The following CSMD3 variants were observed in gnomAD, a reference collection of about 807,000 sequenced individuals.
CSMD3 encodes CUB and sushi domain-containing protein 3.
CSMD3 carries 177 observed loss-of-function variants against 435.2 expected under a neutral mutation model. The ratio of observed to expected loss-of-function variants is 0.41; its 90% CI spans 0.36 to 0.46. The LOEUF (loss-of-function observed/expected upper bound fraction) is 0.46. CSMD3 is among the 20% of genes least tolerant of loss of function. CSMD3 has a pLI of 0.34. For missense variants in CSMD3, 4,265 were observed against 4,504.6 expected (o/e 0.95, Z 1.52); for synonymous variants, 1,656 against 1,520.5 (o/e 1.09, Z -2.07).
At chr8:113,206,029 TG>T (rs2092767277) in intron 3 of CSMD3, among the ~76,000 whole-genome samples, 3 of 152,118 alleles carry the variant, frequency 2.0e-5, no homozygotes, top group Admixed American at 2.0e-4. Flanking sequence ...TAAGCTCCTT[TG>T]TTTATATGTT....
chr8:112,455,629 A>C lies in CSMD3; in HGVS notation c.5395+16962T>G, dbSNP rs75760263. 8.5e-3 allele frequency among the ~76,000 whole-genome samples: 936 copies of C among 109,632 alleles called. 7 individuals carry two copies. The highest frequency in any genetic ancestry group is 0.014 in the East Asian group (54 of 3,808). The allele number at this position is 109,632 out of a possible 152,430, so 71.9% of individuals were successfully genotyped here. On this transcript the variant is annotated intron_variant, in intron 32 of 70. Coordinates refer to ENST00000297405, the MANE Select transcript of CSMD3 (RefSeq NM_198123.2). ...TAAATAAATAAATAAATAAATAAAT[A>C]AATCAAAGCATAATCAATGCCTAAG...
At chr8:113,053,999 T>C (rs1208115296) in intron 5 of CSMD3, among the ~76,000 whole-genome samples, 1 of 152,170 alleles carries the variant, frequency 6.6e-6, no homozygotes, top group Non-Finnish European at 1.5e-5. Flanking sequence ...TGGTCTGCCA[T>C]GCCTCTGATT....
chr8:112,311,172 C>T lies in CSMD3; in HGVS notation c.7697-6G>A. The T allele has an allele frequency of 1.9e-6, 3 of 1,595,928 alleles. No individual in the cohort carries two copies. Among genetic ancestry groups the T allele is most frequent in the Admixed American group, 3.5e-5 (2 of 57,094 alleles). On this transcript the variant is annotated splice_polypyrimidine_tract_variant and splice_region_variant and intron_variant, in intron 49 of 70. Coordinates refer to ENST00000297405, the MANE Select transcript of CSMD3 (RefSeq NM_198123.2). The stretch of plus-strand genomic sequence containing the variant: ...TGGTGTACTACAGTAGAAAGCTTTT[C>T]AAAAGAAAAAAAAAATGCTGTTTAA...
chr8:113,319,240 T>C (rs1308561979), intron 1 of CSMD3, among the ~76,000 whole-genome samples: 1 of 152,120 alleles, frequency 6.6e-6, no homozygotes, highest in African/African-American at 2.4e-5. Flanking sequence ...GTCTTTTTGA[T>C]AATAATCATA....
At chr8:113,156,119 T>C (rs972781079) in intron 4 of CSMD3, among the ~76,000 whole-genome samples, 1 of 152,084 alleles carries the variant, frequency 6.6e-6, no homozygotes, top group Non-Finnish European at 1.5e-5. Context: ...TGCCTAAATA[T>C]GGCTTAGAAT....
Position 112,255,280 on chromosome 8 carries a change from C to T in CSMD3, c.10010G>A (p.Trp3337Ter), listed in dbSNP as rs2130275020. ...TATGCAGTGAGGTGATGAACCACTC[C>T]AAGTGCCATCTGCTTGACATATTCT... Reference protein sequence around the residue: ...STRICQADGTWSGSSPHCIEP... With the variant: ...STRICQADGT The change falls in exon 62 of 71, where the codon TGG (tryptophan) becomes TAG (stop). Residue 3337 changes from tryptophan (W) to a stop codon, truncating the protein, a stop_gained. Coordinates refer to ENST00000297405, the MANE Select transcript of CSMD3 (RefSeq NM_198123.2). LOFTEE classifies it high-confidence loss of function. 6.2e-7 allele frequency: 1 copy of T among 1,613,538 alleles called. No individual in the cohort carries two copies. Among genetic ancestry groups the T allele is most frequent in the Non-Finnish European group, 8.5e-7 (1 of 1,179,682 alleles).
chr8:112,900,397 G>T lies in CSMD3; in HGVS notation c.1633+21230C>A, dbSNP rs187502305. 3.9e-3 allele frequency among the ~76,000 whole-genome samples: 584 copies of T among 151,350 alleles called. 1 individual carries two copies. The highest frequency in any genetic ancestry group is 6.7e-3 in the Non-Finnish European group (453 of 67,514). On this transcript the variant is annotated intron_variant, in intron 10 of 70. Coordinates refer to ENST00000297405, the MANE Select transcript of CSMD3 (RefSeq NM_198123.2). ...TCTAGAGTCTGGAGCAATAGGACAG[G>T]CATAATATAGTGCCTGCCCTTTATA... is the stretch of plus-strand genomic sequence containing the variant.
At chr8:113,050,845 T>C (rs112925928) in intron 5 of CSMD3, among the ~76,000 whole-genome samples, 17 of 152,160 alleles carry the variant, frequency 1.1e-4, no homozygotes, top group African/African-American at 4.1e-4. Flanking sequence ...CAAAATACTT[T>C]ATATATAGAT....
At chr8:113,272,703 G>A (rs1462316807) in intron 3 of CSMD3, among the ~76,000 whole-genome samples, 1 of 152,124 alleles carries the variant, frequency 6.6e-6, no homozygotes, top group Non-Finnish European at 1.5e-5. Flanking sequence ...GACTAATACA[G>A]AACCTATTCA....
chr8:112,420,476 A>G (rs905476325), intron 32 of CSMD3, among the ~76,000 whole-genome samples: 1 of 152,068 alleles, frequency 6.6e-6, no homozygotes, highest in Non-Finnish European at 1.5e-5. Flanking sequence ...GATTTTACCC[A>G]AAAATAGTCT....
intron 1 of CSMD3, among the ~76,000 whole-genome samples, chr8:113,393,441 C>T (rs1047316076): frequency 6.6e-6 from 1 of 151,998 alleles, no homozygotes; most frequent in African/African-American, 2.4e-5. Flanking sequence ...AAGCACTTAA[C>T]CTGAAAACAA....
intron 24 of CSMD3, among the ~76,000 whole-genome samples, chr8:112,564,472 G>C (rs1828912038): frequency 6.7e-6 from 1 of 150,356 alleles, no homozygotes; most frequent in South Asian, 2.1e-4. Context: ...CTTATGTACT[G>C]TGTGTAGCTA....
At chr8:112,540,013 T>A (rs1228422212) in intron 27 of CSMD3, among the ~76,000 whole-genome samples, 2 of 151,976 alleles carry the variant, frequency 1.3e-5, no homozygotes, top group Non-Finnish European at 2.9e-5. Context: ...GACAAGGGAC[T>A]AATAACCAGA....
chr8:113,088,871 T>A lies in CSMD3; in HGVS notation c.917+9885A>T. Among the ~76,000 whole-genome samples, 2 of 151,918 alleles carry A rather than the reference T, an allele frequency of 1.3e-5. 1 individual carries two copies. Among genetic ancestry groups the A allele is most frequent in the Non-Finnish European group, 2.9e-5 (2 of 67,924 alleles). On this transcript the variant is annotated intron_variant, in intron 5 of 70. Transcript: ENST00000297405. ...AACTTAAAGTATAATAATAAAAAAATAAAATAAATAAAGATGTATACAAAC... is the reference window on the plus strand; with the variant it reads ...AACTTAAAGTATAATAATAAAAAAAAAAAATAAATAAAGATGTATACAAAC...
intron 52 of CSMD3, 34 bp from the exon 53 acceptor site, chr8:112,302,000 G>A (rs979905229): frequency 4.9e-6 from 7 of 1,439,586 alleles, no homozygotes; most frequent in Non-Finnish European, 6.8e-6. Context: ...AATCCTTAAA[G>A]ATATAGTCAA....
intron 5 of CSMD3, among the ~76,000 whole-genome samples, chr8:113,058,954 G>A (rs1303533503): frequency 1.3e-5 from 2 of 151,978 alleles, no homozygotes; most frequent in Non-Finnish European, 2.9e-5. Context: ...TTGATTAATA[G>A]CTAACACATC....
intron 12 of CSMD3, among the ~76,000 whole-genome samples, chr8:112,817,950 A>ATT (rs1174888888): frequency 6.6e-6 from 1 of 152,038 alleles, no homozygotes; most frequent in Non-Finnish European, 1.5e-5. Context: ...CATTTCAATT[A>ATT]TTTTTAAGTT....
At chr8:112,657,907 T>C (rs540267130) in intron 17 of CSMD3, among the ~76,000 whole-genome samples, 18 of 152,354 alleles carry the variant, frequency 1.2e-4, no homozygotes, top group African/African-American at 4.3e-4. Context: ...TTTAGACAAC[T>C]GTCTTCCTTA....
chr8:113,068,395 G>A (rs2088955303), intron 5 of CSMD3, among the ~76,000 whole-genome samples: 1 of 152,126 alleles, frequency 6.6e-6, no homozygotes, highest in Non-Finnish European at 1.5e-5. Context: ...CAAGAGAAAT[G>A]TTGCTGTGAT....
Sources: allele counts gnomAD v4.1 joint callset (sites outside exome capture counted in the v4.1 genomes callset), GRCh38; gene constraint gnomAD v4.1.1; transcripts MANE v1.5; gene names NCBI Gene and HGNC (gene_info 2026-07-23, HGNC 2026-07-21).